The following TRIP11 variants were observed in gnomAD, a reference collection of about 807,000 sequenced individuals.
The protein encoded by TRIP11 is thyroid hormone receptor interactor 11.
TRIP11 carries 148 observed loss-of-function variants against 223.1 expected under a neutral mutation model. The ratio of observed to expected loss-of-function variants is 0.66; its 90% confidence interval spans 0.58 to 0.76. The LOEUF (loss-of-function observed/expected upper bound fraction) is 0.76. Ranked by LOEUF, TRIP11 falls within the 30% of genes least tolerant of loss-of-function variation. The probability of loss-of-function intolerance (pLI) is 0.00; values close to 1 mark genes in which losing one functional copy is unlikely to be tolerated. For synonymous variants in TRIP11, 762 were observed against 772.6 expected, an observed-to-expected ratio of 0.99 and a Z score of 0.23; for missense variants, 2,043 against 2,222.0, an observed-to-expected ratio of 0.92 and a Z score of 1.62.
intron 15 of TRIP11, 92 bp downstream of exon 15, chr14:91,993,716 GA>G (rs1420616476): frequency 7.9e-6 from 8 of 1,007,960 alleles, no homozygotes; most frequent in Non-Finnish European, 1.2e-5. Context: ...TTTACTAAAT[GA>G]ACAGTTTAGG....
chr14:92,018,528 C>T (rs1566868242), intron 4 of TRIP11, among the ~76,000 whole-genome samples: 3 of 151,608 alleles, frequency 2.0e-5, no homozygotes, highest in African/African-American at 7.3e-5. Flanking sequence ...TACTATGTAG[C>T]ATTTTAATGA....
At chr14:91,988,043 C>G (rs2056624461) in intron 16 of TRIP11, among the ~76,000 whole-genome samples, 1 of 152,166 alleles carries the variant, frequency 6.6e-6, no homozygotes, top group African/African-American at 2.4e-5. Flanking sequence ...AGGGTGACAG[C>G]CAATGCAATG....
chr14:92,016,653 T>C (rs2057038976), intron 5 of TRIP11, among the ~76,000 whole-genome samples: 1 of 152,228 alleles, frequency 6.6e-6, no homozygotes, highest in Non-Finnish European at 1.5e-5. Flanking sequence ...GATCCTAATC[T>C]ATAAATTAAC....
chr14:92,020,976 G>A (rs1157859933), intron 4 of TRIP11, among the ~76,000 whole-genome samples: 3 of 151,374 alleles, frequency 2.0e-5, no homozygotes, highest in Admixed American at 6.6e-5. Flanking sequence ...AGGTTGAGAC[G>A]GGAGAATCAT....
chr14:92,004,805 T>G lies in TRIP11; in HGVS notation c.3171A>C (p.Leu1057=). 1.2e-6 allele frequency: 2 copies of G among 1,614,134 alleles called. No individual in the cohort carries two copies. The highest frequency in any genetic ancestry group is 1.7e-6 in the Non-Finnish European group (2 of 1,180,024). ...AATCTTTCTGCTGAATAATCTGAGT[T>G]AGTTTACCAACTTCATCTTTGGACA... The part of the protein sequence containing the change: ...DQLSKDEVGK[L]TQIIQQKDLE... The change falls in exon 11 of 21, where the codon CTA becomes CTC. Residue 1057 remains leucine (L), a synonymous_variant. Coordinates refer to ENST00000267622, the MANE Select transcript of TRIP11 (RefSeq NM_004239.4).
chr14:91,973,483 T>C (rs2056425126), intron 19 of TRIP11, among the ~76,000 whole-genome samples: 2 of 152,192 alleles, frequency 1.3e-5, no homozygotes, highest in African/African-American at 4.8e-5. Context: ...TTAATGAATC[T>C]GATCATTTTA....
chr14:92,025,310 C>A lies in TRIP11; in HGVS notation c.312G>T (p.Glu104Asp). Residue 104 changes from glutamate (E) to aspartate (D), a missense_variant and splice_region_variant, in exon 3 of 21, where the codon GAG becomes GAT. Physicochemically the swap from Glu to Asp is conservative, Grantham distance 45. Transcript: ENST00000267622. The stretch of plus-strand genomic sequence containing the variant: ...ATGAAGTAACTGTGATAACATTTAC[C>A]TCTTTTTGTTGAAGTTGATTTCGGT... ...TSYRNQLQQK[E>D]VEISHLKARQ... The A allele has an allele frequency of 6.2e-7, 1 of 1,607,778 alleles. No homozygotes were observed. The highest frequency in any genetic ancestry group is 1.1e-5 in the South Asian group (1 of 90,946).
rs59244424 is a variant in TRIP11, at chr14:91,993,476, CAAAAAAAAAAAA to C, written c.5160+321_5160+332del. 7.7e-5 allele frequency among the ~76,000 whole-genome samples: 4 copies of C among 51,754 alleles called. No individual in the cohort carries two copies. In the South Asian group the frequency reaches 1.7e-3, roughly 22 times the overall value. 34.0% of individuals were successfully genotyped at this position (51,754 alleles called of 152,430 possible). ...GGGTAACAAGAGTGAAACTCGGTCTCAAAAAAAAAAAAAAAAAAAAAAAGAGAGAAAATTATA... is the reference window on the plus strand; with the variant it reads ...GGGTAACAAGAGTGAAACTCGGTCTCAAAAAAAAAAAGAGAGAAAATTATA... On this transcript the variant is annotated intron_variant, in intron 15 of 20. Transcript: ENST00000267622.
Position 92,014,240 on chromosome 14 carries a change from C to T in TRIP11, c.1161G>A (p.Val387=), listed in dbSNP as rs1369111184. 2 of 1,614,020 alleles carry T rather than the reference C, an allele frequency of 1.2e-6. No individual in the cohort carries two copies. The highest frequency in any genetic ancestry group is 2.2e-5 in the South Asian group (2 of 91,080). ...ILAQSASVEE[V]FRLQQALSDA... ...CAGACAGTGCTTGTTGTAGTCTGAA[C>T]ACTTCTTCCACTGATGCACTCTGGG... The change falls in exon 7 of 21, where the codon GTG becomes GTA. Residue 387 remains valine, a synonymous_variant. Coordinates refer to ENST00000267622, the MANE Select transcript of TRIP11 (RefSeq NM_004239.4).
chr14:92,003,323 G>T, intron 11 of TRIP11, 96 bp downstream of exon 11: 1 of 1,489,114 alleles, frequency 6.7e-7, no homozygotes, highest in Non-Finnish European at 9.2e-7. Flanking sequence ...ATGAACAAAT[G>T]CACAGTCCCC....
At chr14:92,038,292 CA>C (rs1776519451) in intron 1 of TRIP11, among the ~76,000 whole-genome samples, 1 of 152,160 alleles carries the variant, frequency 6.6e-6, no homozygotes, top group Non-Finnish European at 1.5e-5. Context: ...GTCTAAGGAA[CA>C]GCCAACCGTT....
chr14:92,019,411 C>G (rs1051747400), intron 4 of TRIP11, among the ~76,000 whole-genome samples: 1 of 152,176 alleles, frequency 6.6e-6, no homozygotes, highest in African/African-American at 2.4e-5. Context: ...TTCTCCAGGT[C>G]ATTTCTTATA....
intron 8 of TRIP11, among the ~76,000 whole-genome samples, chr14:92,011,440 G>A (rs568771523): frequency 7.7e-4 from 99 of 128,412 alleles, no homozygotes; most frequent in Non-Finnish European, 5.7e-4. Flanking sequence ...GCGGAGAGCC[G>A]AGATCGCGAC....
At position 92,005,470 on chromosome 14, in the gene TRIP11, G is replaced by C. The variant is rs2056887259; in HGVS notation, c.2506C>G (p.Gln836Glu). The C allele has an allele frequency of 6.2e-7, 1 of 1,613,866 alleles. No homozygotes were observed. Among genetic ancestry groups the C allele is most frequent in the Admixed American group, 1.7e-5 (1 of 59,990 alleles). ...AAAATTTCATTTTTTCTTAAGGCCTGAGAATATTTATCCAATTCCTCCTGC... is the reference window on the plus strand; with the variant it reads ...AAAATTTCATTTTTTCTTAAGGCCTCAGAATATTTATCCAATTCCTCCTGC... Reference protein sequence around the residue: ...KLQEELDKYSQALRKNEILRQ... With the variant: ...KLQEELDKYSEALRKNEILRQ... Residue 836 changes from glutamine (Q) to glutamate (E), a missense_variant, in exon 11 of 21, where the codon CAG becomes GAG. By Grantham distance (29) the Gln-to-Glu change is conservative (BLOSUM62 2). Transcript: ENST00000267622.
chr14:92,008,573 G>A (rs2056933613), intron 9 of TRIP11, among the ~76,000 whole-genome samples: 1 of 152,124 alleles, frequency 6.6e-6, no homozygotes, highest in Non-Finnish European at 1.5e-5. Flanking sequence ...CAAAATCTCA[G>A]AAGTGGGACA....
At position 92,005,876 on chromosome 14, in the gene TRIP11, G is replaced by A; in HGVS notation, c.2100C>T (p.Asn700=). The change falls in exon 11 of 21, where the codon AAC becomes AAT. Residue 700 remains asparagine (N), a synonymous_variant. Coordinates refer to ENST00000267622, the MANE Select transcript of TRIP11 (RefSeq NM_004239.4). ...TGTTTTTTTCCAGAGAAAGCTGATT[G>A]TTACCAGCAAGACATTCTTCTAACT... is the stretch of plus-strand genomic sequence containing the variant. The part of the protein sequence containing the change: ...RHQLEECLAG[N]NQLSLEKNTI... The A allele has an allele frequency of 1.2e-6, 2 of 1,613,894 alleles. No homozygotes were observed. The highest frequency in any genetic ancestry group is 1.7e-6 in the Non-Finnish European group (2 of 1,179,986).
intron 2 of TRIP11, among the ~76,000 whole-genome samples, chr14:92,031,118 T>C (rs979509913): frequency 2.0e-5 from 3 of 151,968 alleles, no homozygotes; most frequent in African/African-American, 4.8e-5. Flanking sequence ...TATTTTTTTA[T>C]TTACTTACTT....
Position 92,005,228 on chromosome 14 carries a change from T to C in TRIP11, c.2748A>G (p.Gln916=). 1 of 1,614,222 alleles carries C rather than the reference T, an allele frequency of 6.2e-7. No homozygotes were observed. The highest frequency in any genetic ancestry group is 2.2e-5 in the East Asian group (1 of 44,892). Reference sequence around the variant, plus strand: ...TCTGGTTTTGATCTTCAATTATCTTTTGATGATGTTTAATTTCCTCTTCAA... The same window carrying C: ...TCTGGTTTTGATCTTCAATTATCTTCTGATGATGTTTAATTTCCTCTTCAA... ...EHLEEEIKHH[Q]KIIEDQNQSK... The change falls in exon 11 of 21, where the codon CAA becomes CAG. Residue 916 remains glutamine (Q), a synonymous_variant. Transcript: ENST00000267622.
intron 6 of TRIP11, 21 bp downstream of exon 6, chr14:92,015,675 T>A: frequency 1.3e-6 from 2 of 1,568,576 alleles, no homozygotes; most frequent in Non-Finnish European, 1.7e-6. Flanking sequence ...ATAATAATAA[T>A]AAAGAAATAA....
Sources: allele counts gnomAD v4.1 joint callset (sites outside exome capture counted in the v4.1 genomes callset), GRCh38; gene constraint gnomAD v4.1.1; transcripts MANE v1.5; gene names NCBI Gene and HGNC (gene_info 2026-07-23, HGNC 2026-07-21).